Variants in MUC15 observed in about 807,000 individuals in gnomAD.
MUC15 encodes the protein mucin 15, cell surface associated.
Under a neutral mutation model 24.0 loss-of-function variants are expected in MUC15, and 23 were observed. That is an observed-to-expected ratio of 0.96 (90% confidence interval 0.69 to 1.36). MUC15 has a LOEUF of 1.36. MUC15 is among the 40% of genes most tolerant of loss of function. The pLI is 0.00. For synonymous variants in MUC15, 151 were observed against 156.3 expected (o/e 0.97, Z 0.25); for missense variants, 442 against 428.2 (o/e 1.03, Z -0.29).
At position 26,565,555 on chromosome 11, in the gene MUC15, G is replaced by T. The variant is rs563199813; in HGVS notation, c.385C>A (p.Pro129Thr). The T allele has an allele frequency of 6.2e-7, 1 of 1,613,242 alleles. No individual in the cohort carries two copies. The highest frequency in any genetic ancestry group is 1.3e-5 in the African/African-American group (1 of 74,954). Residue 129 changes from proline (P) to threonine (T), a missense_variant, in exon 3 of 5, where the codon CCC becomes ACC. Transcript: ENST00000529533. ...SAEHSLGSLKPTSTISTSPPL... is the reference protein window; with the variant it reads ...SAEHSLGSLKTTSTISTSPPL... ...GGGCTTGTGGAAATGGTAGATGTGG[G>T]TTTTAGACTGCCCAAAGAATGCTCT...
chr11:26,570,581 ACT>A (rs1250739126), intron 1 of MUC15, among the ~76,000 whole-genome samples: 7 of 152,154 alleles, frequency 4.6e-5, no homozygotes, highest in Non-Finnish European at 8.8e-5. Context: ...GTTCAGGTAT[ACT>A]GCAGGCATAA....
intron 3 of MUC15, among the ~76,000 whole-genome samples, chr11:26,563,658 T>C (rs1044127909): frequency 6.6e-6 from 1 of 151,888 alleles, no homozygotes; most frequent in Non-Finnish European, 1.5e-5. Flanking sequence ...CTTGTTTCTG[T>C]AAATAATTCA....
rs375176901 is a variant in MUC15, at chr11:26,561,079, G to A, written c.1072C>T (p.Arg358Cys). ...TGCTGTTAGTTCTATACAGAAGTAC[G>A]AAGTGGAGGTATGTCATCCATAGGA... ...GIPMDDIPPL[R>C]TSV Residue 358 changes from arginine to cysteine, a missense_variant, in exon 5 of 5, where the codon CGT (arginine) becomes TGT (cysteine). Physicochemically the swap from Arg to Cys is radical, Grantham distance 180. Coordinates refer to ENST00000529533, the MANE Select transcript of MUC15 (RefSeq NM_001135091.2). 8.7e-6 allele frequency: 14 copies of A among 1,610,916 alleles called. No individual in the cohort carries two copies. Among genetic ancestry groups the A allele is most frequent in the South Asian group, 5.5e-5 (5 of 90,702 alleles).
intron 3 of MUC15, 116 bp downstream of exon 3, chr11:26,565,049 A>G: frequency 9.5e-7 from 1 of 1,049,356 alleles, no homozygotes; most frequent in Non-Finnish European, 1.3e-6. Context: ...GAGAAAATCC[A>G]TGCTATTGTG....
Position 26,563,279 on chromosome 11 carries a change from A to C in MUC15, c.776-14T>G. ...TATTTCTATTTTCTACAGGACAAAAAAAATTTAAAGAAATATAAAATAATT... is the reference window on the plus strand; with the variant it reads ...TATTTCTATTTTCTACAGGACAAAACAAATTTAAAGAAATATAAAATAATT... On this transcript the variant is annotated splice_polypyrimidine_tract_variant and intron_variant, in intron 3 of 4. Coordinates refer to ENST00000529533, the MANE Select transcript of MUC15 (RefSeq NM_001135091.2). The C allele has an allele frequency of 6.3e-7, 1 of 1,580,126 alleles. No individual in the cohort carries two copies.
rs1045807927 is a variant in MUC15 at position 26,565,501 on chromosome 11, C to A, written c.439G>T (p.Val147Leu). 6.2e-7 allele frequency: 1 copy of A among 1,613,140 alleles called. No individual in the cohort carries two copies. The highest frequency in any genetic ancestry group is 1.3e-5 in the African/African-American group (1 of 74,818). Residue 147 changes from valine (V) to leucine (L), a missense_variant, in exon 3 of 5, where the codon GTG becomes TTG. Transcript: ENST00000529533. Reference sequence around the variant, plus strand: ...TCTGCTATAGGTGCATTCCAAGGCACTTTAGAAACAAAGCTATGGATCAAG... The same window carrying A: ...TCTGCTATAGGTGCATTCCAAGGCAATTTAGAAACAAAGCTATGGATCAAG... Reference protein sequence around the residue: ...PPLIHSFVSKVPWNAPIADED... With the variant: ...PPLIHSFVSKLPWNAPIADED...
At chr11:26,570,704 A>G (rs1286930365) in intron 1 of MUC15, among the ~76,000 whole-genome samples, 1 of 152,122 alleles carries the variant, frequency 6.6e-6, no homozygotes, top group African/African-American at 2.4e-5. Flanking sequence ...ACAAATTAAG[A>G]CAGATGGGTT....
At chr11:26,561,326 AAT>A in intron 4 of MUC15, 101 bp from the exon 5 acceptor site, 1 of 816,950 alleles carries the variant, frequency 1.2e-6, no homozygotes, top group Non-Finnish European at 1.7e-6. Context: ...TGAGAAAATA[AAT>A]ATATTTTTAT....
Position 26,565,660 on chromosome 11 carries a change from G to C in MUC15, c.280C>G (p.Leu94Val), listed in dbSNP as rs749595575. The C allele has an allele frequency of 1.3e-5, 21 of 1,607,190 alleles. No individual in the cohort carries two copies. The highest frequency in any genetic ancestry group is 1.7e-5 in the Non-Finnish European group (20 of 1,175,106). ...SDKENITTSN[L>V]KASHSPPLNL... ...AAAGGAGGGGAATGACTCGCCTTGA[G>C]ATTTGAGGTGGTTATATTTTCTTTA... is the stretch of plus-strand genomic sequence containing the variant. The change falls in exon 3 of 5, where the codon CTC (leucine) becomes GTC (valine). Residue 94 changes from leucine to valine, a missense_variant. Leu to Val is a conservative substitution (Grantham distance 32). Coordinates refer to ENST00000529533, the MANE Select transcript of MUC15 (RefSeq NM_001135091.2).
rs759001536 is a variant in MUC15, at chr11:26,559,428, A to T, written c.*1637T>A. 2.2e-4 allele frequency: 56 copies of T among 253,226 alleles called. No individual in the cohort carries two copies. Among genetic ancestry groups the T allele is most frequent in the Non-Finnish European group, 3.8e-4 (51 of 133,598 alleles). The allele number at this position is 253,226 out of a possible 1,614,324, so 15.7% of individuals were successfully genotyped here. On this transcript the variant is annotated 3_prime_UTR_variant, in exon 5 of 5. Coordinates refer to ENST00000529533, the MANE Select transcript of MUC15 (RefSeq NM_001135091.2). ...GTAGTTTGACAATCTGTGACCCACA[A>T]ATACTTCCATAGAATGGTAGAATTA...
chr11:26,570,430 G>C (rs2063278), intron 1 of MUC15, among the ~76,000 whole-genome samples: 1 of 151,800 alleles, frequency 6.6e-6, no homozygotes, highest in African/African-American at 2.4e-5. Context: ...TGTTGAAATC[G>C]TGGGTCATAC....
intron 1 of MUC15, among the ~76,000 whole-genome samples, chr11:26,568,550 T>C (rs1364833030): frequency 6.6e-6 from 1 of 151,966 alleles, no homozygotes; most frequent in African/African-American, 2.4e-5. Context: ...TACAAAACAC[T>C]GATAATATAA....
At chr11:26,562,400 T>G (rs951066351) in intron 4 of MUC15, among the ~76,000 whole-genome samples, 2 of 151,760 alleles carry the variant, frequency 1.3e-5, no homozygotes, top group African/African-American at 4.8e-5. Flanking sequence ...GTGACAAGAA[T>G]CCCTTGTGCA....
Position 26,563,248 on chromosome 11 carries a change from T to C in MUC15, c.793A>G (p.Ile265Val), listed in dbSNP as rs1388892780. 3 of 1,598,260 alleles carry C rather than the reference T, an allele frequency of 1.9e-6. No homozygotes were observed. Among genetic ancestry groups the C allele is most frequent in the African/African-American group, 1.3e-5 (1 of 74,162 alleles). The change falls in exon 4 of 5, where the codon ATA becomes GTA. Residue 265 changes from isoleucine (I) to valine (V), a missense_variant. Transcript: ENST00000529533. The part of the protein sequence containing the change: ...DPQKENRNTG[I>V]VFGAILGAIL... ...GCACCTAAAATGGCCCCGAATACTA[T>C]TCCTGTATTTCTATTTTCTACAGGA...
At chr11:26,564,068 T>A (rs1245702236) in intron 3 of MUC15, among the ~76,000 whole-genome samples, 1 of 151,848 alleles carries the variant, frequency 6.6e-6, no homozygotes, top group Non-Finnish European at 1.5e-5. Flanking sequence ...TTAATTTTCA[T>A]GTTAGAGTAC....
At chr11:26,569,013 G>A (rs1001119511) in intron 1 of MUC15, among the ~76,000 whole-genome samples, 8 of 151,980 alleles carry the variant, frequency 5.3e-5, no homozygotes, top group South Asian at 2.1e-4. Context: ...CCAGTGGGGG[G>A]AAAAATGTCC....
In MUC15 at chr11:26,565,488, G is replaced by A; in HGVS notation, c.452C>T (p.Ala151Val). The change falls in exon 3 of 5, where the codon GCA becomes GTA. Residue 151 changes from alanine to valine, a missense_variant. Transcript: ENST00000529533. ...HSFVSKVPWNAPIADEDLLPI... is the reference protein window; with the variant it reads ...HSFVSKVPWNVPIADEDLLPI... Reference sequence around the variant, plus strand: ...CAAAAGATCTTCATCTGCTATAGGTGCATTCCAAGGCACTTTAGAAACAAA... The same window carrying A: ...CAAAAGATCTTCATCTGCTATAGGTACATTCCAAGGCACTTTAGAAACAAA... 1.2e-6 allele frequency: 2 copies of A among 1,613,336 alleles called. No homozygotes were observed. The highest frequency in any genetic ancestry group is 1.1e-5 in the South Asian group (1 of 91,068).
chr11:26,570,690 G>A (rs1850788828), intron 1 of MUC15, among the ~76,000 whole-genome samples: 1 of 152,002 alleles, frequency 6.6e-6, no homozygotes, highest in South Asian at 2.1e-4. Flanking sequence ...ACAGATGTTA[G>A]GCTACAAATT....
chr11:26,561,317 G>A, intron 4 of MUC15, 92 bp from the exon 5 acceptor site: 1 of 891,872 alleles, frequency 1.1e-6, no homozygotes. Context: ...TATTCTAGAT[G>A]AGAAAATAAA....
Sources: allele counts gnomAD v4.1 joint callset (sites outside exome capture counted in the v4.1 genomes callset), GRCh38; gene constraint gnomAD v4.1.1; transcripts MANE v1.5; gene names NCBI Gene and HGNC (gene_info 2026-07-23, HGNC 2026-07-21).